The following NR4A2 variants were observed in gnomAD, a reference collection of about 807,000 sequenced individuals.
NR4A2 encodes the protein NGFI-B/nur77 beta-type transcription factor homolog.
A neutral mutation model predicts 50.5 loss-of-function variants in NR4A2; 1 was observed. That is an observed-to-expected ratio of 0.02 (90% CI 0.01 to 0.09). The LOEUF is 0.09. NR4A2 is among the 10% of genes least tolerant of loss of function. The pLI is 1.00. For missense variants in NR4A2, 613 were observed against 777.3 expected (o/e 0.79, Z 2.51); for synonymous variants, 328 against 309.4 (o/e 1.06, Z -0.63).
Position 156,326,588 on chromosome 2 carries a change from T to C in NR4A2, c.1361+130A>G, listed in dbSNP as rs1686653192. On this transcript the variant is annotated intron_variant, in intron 6 of 7. Transcript: ENST00000339562. This position sits in a 1 kb window ranked among gnomAD's most constrained non-coding sequence, Gnocchi z 4.2. Reference sequence around the variant, plus strand: ...TTTTTGTTTTCTTTCTTTTTCTTCCTTTCTCCGACTTCCATTTCCTATTCT... The same window carrying C: ...TTTTTGTTTTCTTTCTTTTTCTTCCCTTCTCCGACTTCCATTTCCTATTCT... 18 of 1,131,868 alleles carry C rather than the reference T, an allele frequency of 1.6e-5. No homozygotes were observed. The highest frequency in any genetic ancestry group is 2.3e-5 in the Non-Finnish European group (18 of 772,660). 70.1% of individuals were successfully genotyped at this position (1,131,868 alleles called of 1,614,324 possible). A position where few individuals can be genotyped will look rare whatever the true frequency, so the allele number is the denominator to read the frequency against.
chr2:156,329,810 G>A lies in NR4A2; in HGVS notation c.377C>T (p.Ser126Leu). ...HSGSVYYKPS[S>L]PPTPTTPGFQ... ...GCCCGGGGTGGTGGGCGTCGGGGGC[G>A]AGGAGGGCTTGTAGTAAACCGACCC... is the stretch of plus-strand genomic sequence containing the variant. Residue 126 changes from serine (S) to leucine (L), a missense_variant, in exon 3 of 8, where the codon TCG (serine) becomes TTG (leucine). This residue lies in a region of NR4A2 where 275 missense variants were observed against 248.9 expected (regional missense o/e 1.10). Coordinates refer to ENST00000339562, the MANE Select transcript of NR4A2 (RefSeq NM_006186.4). This position sits in a 1 kb window ranked among gnomAD's most constrained non-coding sequence, Gnocchi z 7.5. 1.2e-6 allele frequency: 2 copies of A among 1,613,800 alleles called. No individual in the cohort carries two copies. Among genetic ancestry groups the A allele is most frequent in the Non-Finnish European group, 1.7e-6 (2 of 1,179,704 alleles).
rs1004328494 is a variant in NR4A2 at position 156,330,001 on chromosome 2, G to A, written c.186C>T (p.Thr62=). The change falls in exon 3 of 8, where the codon ACC becomes ACT. Residue 62 remains threonine, a synonymous_variant. Coordinates refer to ENST00000339562, the MANE Select transcript of NR4A2 (RefSeq NM_006186.4). The part of the protein sequence containing the change: ...TATTSLPSFS[T]FMDNYSTGYD... Reference sequence around the variant, plus strand: ...AGCCTGTGCTGTAGTTGTCCATAAAGGTACTGAAGCTGGGGAGAGAAGTGG... The same window carrying A: ...AGCCTGTGCTGTAGTTGTCCATAAAAGTACTGAAGCTGGGGAGAGAAGTGG... The A allele has an allele frequency of 1.9e-6, 3 of 1,614,082 alleles. No homozygotes were observed. Among genetic ancestry groups the A allele is most frequent in the Non-Finnish European group, 8.5e-7 (1 of 1,180,052 alleles).
chr2:156,327,899 C>G lies in NR4A2; in HGVS notation c.1110G>C (p.Arg370Ser). 6.3e-7 allele frequency: 1 copy of G among 1,595,440 alleles called. No homozygotes were observed. Among genetic ancestry groups the G allele is most frequent in the Admixed American group, 1.7e-5 (1 of 57,422 alleles). The change falls in exon 5 of 8, where the codon AGG becomes AGC. Residue 370 changes from arginine (R) to serine (S), a missense_variant. This residue lies in a region of NR4A2 where 250 missense variants were observed against 311.3 expected (regional missense o/e 0.80). Transcript: ENST00000339562. Reference sequence around the variant, plus strand: ...TAGCCGGGTTGGAGTCGACATGGGCCCTGACGAGGGCACTGATCAGACTCA... The same window carrying G: ...TAGCCGGGTTGGAGTCGACATGGGCGCTGACGAGGGCACTGATCAGACTCA... ...PPVSLISALV[R>S]AHVDSNPAMT...
Position 156,329,858 on chromosome 2 carries a change from G to C in NR4A2, c.329C>G (p.Ser110Cys), listed in dbSNP as rs1267480941. ...YQQHSHLPPQSEEMMPHSGSV... is the reference protein window; with the variant it reads ...YQQHSHLPPQCEEMMPHSGSV... Reference sequence around the variant, plus strand: ...CCCGGAGTGCGGCATCATCTCCTCAGACTGGGGGGGCAGGTGGCTGTGTTG... The same window carrying C: ...CCCGGAGTGCGGCATCATCTCCTCACACTGGGGGGGCAGGTGGCTGTGTTG... The change falls in exon 3 of 8, where the codon TCT becomes TGT. Residue 110 changes from serine (S) to cysteine (C), a missense_variant. Physicochemically the swap from Ser to Cys is moderately radical, Grantham distance 112. Transcript: ENST00000339562. This position sits in a 1 kb window ranked among gnomAD's most constrained non-coding sequence, Gnocchi z 7.5. 6.2e-7 allele frequency: 1 copy of C among 1,614,212 alleles called. No individual in the cohort carries two copies. Among genetic ancestry groups the C allele is most frequent in the Admixed American group, 1.7e-5 (1 of 60,034 alleles).
In NR4A2 at chr2:156,329,518, G is replaced by C. The variant is rs1686814347; in HGVS notation, c.669C>G (p.Pro223=). The C allele has an allele frequency of 1.2e-6, 2 of 1,604,240 alleles. No individual in the cohort carries two copies. The highest frequency in any genetic ancestry group is 1.7e-6 in the Non-Finnish European group (2 of 1,175,176). ...AGCCCATGGACGCGGGCTTGCGAAT[G>C]GGGTTGGGCACAGCGAAGGTCTGCC... ...VDGQTFAVPN[P]IRKPASMGFP... The change falls in exon 3 of 8, where the codon CCC becomes CCG. Residue 223 remains proline, a synonymous_variant. Transcript: ENST00000339562. This position sits in a 1 kb window ranked among gnomAD's most constrained non-coding sequence, Gnocchi z 7.5.
intron 2 of NR4A2, among the ~76,000 whole-genome samples, chr2:156,330,449 C>G (rs934363187): frequency 3.3e-5 from 5 of 152,180 alleles, no homozygotes; most frequent in African/African-American, 1.2e-4. Context: ...TCATACCCCC[C>G]CACTCATCCC....
At position 156,329,554 on chromosome 2, in the gene NR4A2, G is replaced by A. The variant is rs375614094; in HGVS notation, c.633C>T (p.His211=). 43 of 1,603,372 alleles carry A rather than the reference G, an allele frequency of 2.7e-5. No individual in the cohort carries two copies. The highest frequency in any genetic ancestry group is 3.7e-5 in the Non-Finnish European group (43 of 1,173,882). ...PMNPEPAGSH[H]VVDGQTFAVP... ...CAGCGAAGGTCTGCCCGTCCACCAC[G>A]TGGTGGCTGCCGGCGGGCTCCGGGT... The change falls in exon 3 of 8, where the codon CAC becomes CAT. Residue 211 remains histidine, a synonymous_variant. Transcript: ENST00000339562. The surrounding 1 kb of genome is among the most constrained non-coding windows in gnomAD (Gnocchi z 7.5).
chr2:156,329,767 G>A lies in NR4A2; in HGVS notation c.420C>T (p.Ser140=), dbSNP rs1313468887. ...GAGATCCCGGGTCGTCCCACATGGG[G>A]CTGTGCTGCACCTGGAAGCCCGGGG... ...PTTPGFQVQH[S]PMWDDPGSLH... is the part of the protein sequence containing the mutation. Residue 140 remains serine, a synonymous_variant, in exon 3 of 8, where the codon AGC becomes AGT. Transcript: ENST00000339562. This position sits in a 1 kb window ranked among gnomAD's most constrained non-coding sequence, Gnocchi z 7.5. 6.2e-7 allele frequency: 1 copy of A among 1,613,664 alleles called. No individual in the cohort carries two copies. The highest frequency in any genetic ancestry group is 1.7e-5 in the Admixed American group (1 of 59,998).
At position 156,326,350 on chromosome 2, in the gene NR4A2, G is replaced by A; in HGVS notation, c.1362-22C>T. The A allele has an allele frequency of 6.2e-7, 1 of 1,605,420 alleles. No individual in the cohort carries two copies. The highest frequency in any genetic ancestry group is 1.1e-5 in the South Asian group (1 of 90,908). On this transcript the variant is annotated intron_variant, in intron 6 of 7. Coordinates refer to ENST00000339562, the MANE Select transcript of NR4A2 (RefSeq NM_006186.4). The surrounding 1 kb of genome is among the most constrained non-coding windows in gnomAD (Gnocchi z 4.2). ...GGACCTGCAATTAATACCAAAGAGA[G>A]AGAGGGGAGAAAAAGAGAGAGAGAA... is the stretch of plus-strand genomic sequence containing the variant.
chr2:156,327,054 A>G, intron 5 of NR4A2, 134 bp from the exon 6 acceptor site: 1 of 822,318 alleles, frequency 1.2e-6, no homozygotes, highest in African/African-American at 1.7e-5. Context: ...TAAGGAAATT[A>G]GATGTTCCGG....
rs1423537757 is a variant in NR4A2 at position 156,329,578 on chromosome 2, G to A, written c.609C>T (p.Asn203=). 1 of 1,604,808 alleles carries A rather than the reference G, an allele frequency of 6.2e-7. No individual in the cohort carries two copies. The highest frequency in any genetic ancestry group is 2.2e-5 in the East Asian group (1 of 44,710). The part of the protein sequence containing the change: ...RFDGPLHVPM[N]PEPAGSHHVV... Reference sequence around the variant, plus strand: ...CGTGGTGGCTGCCGGCGGGCTCCGGGTTCATGGGGACGTGCAGGGGCCCGT... The same window carrying A: ...CGTGGTGGCTGCCGGCGGGCTCCGGATTCATGGGGACGTGCAGGGGCCCGT... The change falls in exon 3 of 8, where the codon AAC becomes AAT. Residue 203 remains asparagine, a synonymous_variant. Transcript: ENST00000339562. The surrounding 1 kb of genome is among the most constrained non-coding windows in gnomAD (Gnocchi z 7.5).
At position 156,328,433 on chromosome 2, in the gene NR4A2, T is replaced by C; in HGVS notation, c.965A>G (p.Lys322Arg). Reference protein sequence around the residue: ...RNRCQYCRFQKCLAVGMVKEV... With the variant: ...RNRCQYCRFQRCLAVGMVKEV... ...TTTGACCATCCCAACAGCCAGGCAC[T>C]TCTGAAATCGGCAGTACTGACAGCG... The change falls in exon 4 of 8, where the codon AAG (lysine) becomes AGG (arginine). Residue 322 changes from lysine to arginine, a missense_variant. Around this residue, in one of 4 missense-constraint regions of NR4A2, gnomAD observed 27 missense variants for 120.7 expected, o/e 0.22. Coordinates refer to ENST00000339562, the MANE Select transcript of NR4A2 (RefSeq NM_006186.4). The surrounding 1 kb of genome is among the most constrained non-coding windows in gnomAD (Gnocchi z 4.9). The C allele has an allele frequency of 2.5e-6, 4 of 1,614,230 alleles. No individual in the cohort carries two copies. Among genetic ancestry groups the C allele is most frequent in the Non-Finnish European group, 3.4e-6 (4 of 1,180,036 alleles).
Position 156,328,133 on chromosome 2 carries a change from A to C in NR4A2, c.995-119T>G, listed in dbSNP as rs1031245505. The C allele has an allele frequency of 1.5e-5, 20 of 1,353,922 alleles. No individual in the cohort carries two copies. In the African/African-American group the frequency reaches 2.9e-4, roughly 20 times the overall value. 83.9% of individuals were successfully genotyped at this position (1,353,922 alleles called of 1,614,324 possible). On this transcript the variant is annotated intron_variant, in intron 4 of 7. Transcript: ENST00000339562. The surrounding 1 kb of genome is among the most constrained non-coding windows in gnomAD (Gnocchi z 4.9). ...ACCAGGCTGAGCGGCTGAGGGCCCC[A>C]GTGCTTGTAAAGCCTTCACTGACTA...
chr2:156,327,743 C>T (rs1486281586), intron 5 of NR4A2, 108 bp downstream of exon 5: 1 of 1,388,920 alleles, frequency 7.2e-7, no homozygotes, highest in Non-Finnish European at 1.0e-6. Context: ...TACAGCCTTG[C>T]TTGCCTTCTT....
At position 156,329,744 on chromosome 2, in the gene NR4A2, G is replaced by A. The variant is rs1686833819; in HGVS notation, c.443C>T (p.Ser148Phe). ...QHSPMWDDPG[S>F]LHNFHQNYVA... ...GTAGTTCTGGTGGAAGTTGTGGAGA[G>A]ATCCCGGGTCGTCCCACATGGGGCT... Residue 148 changes from serine (S) to phenylalanine (F), a missense_variant, in exon 3 of 8, where the codon TCT (serine) becomes TTT (phenylalanine). By Grantham distance (155) the Ser-to-Phe change is radical. Coordinates refer to ENST00000339562, the MANE Select transcript of NR4A2 (RefSeq NM_006186.4). The surrounding 1 kb of genome is among the most constrained non-coding windows in gnomAD (Gnocchi z 7.5). 1 of 1,613,844 alleles carries A rather than the reference G, an allele frequency of 6.2e-7. No homozygotes were observed. The highest frequency in any genetic ancestry group is 8.5e-7 in the Non-Finnish European group (1 of 1,179,754).
At chr2:156,330,427 C>T (rs930310342) in intron 2 of NR4A2, among the ~76,000 whole-genome samples, 1 of 151,806 alleles carries the variant, frequency 6.6e-6, no homozygotes, top group African/African-American at 2.4e-5. Context: ...TGGGTATTTC[C>T]AAACATCTCC....
rs772578858 is a variant in NR4A2 at position 156,326,847 on chromosome 2, G to A, written c.1232C>T (p.Thr411Ile). The A allele has an allele frequency of 6.2e-7, 1 of 1,614,258 alleles. No individual in the cohort carries two copies. The highest frequency in any genetic ancestry group is 1.7e-5 in the Admixed American group (1 of 60,028). Residue 411 changes from threonine (T) to isoleucine (I), a missense_variant, in exon 6 of 8, where the codon ACT becomes ATT. By Grantham distance (89) the Thr-to-Ile change is moderately conservative (BLOSUM62 -1). Coordinates refer to ENST00000339562, the MANE Select transcript of NR4A2 (RefSeq NM_006186.4). The surrounding 1 kb of genome is among the most constrained non-coding windows in gnomAD (Gnocchi z 4.2). ...GCCCCGGATGATCTCCATGGAGCCA[G>A]TCAGGAGATCATAGAATTGCTGGAT... ...QHIQQFYDLLTGSMEIIRGWA... is the reference protein window; with the variant it reads ...QHIQQFYDLLIGSMEIIRGWA...
In NR4A2 at chr2:156,329,628, C is replaced by A; in HGVS notation, c.559G>T (p.Val187Leu). 1 of 1,613,060 alleles carries A rather than the reference C, an allele frequency of 6.2e-7. No individual in the cohort carries two copies. The highest frequency in any genetic ancestry group is 8.5e-7 in the Non-Finnish European group (1 of 1,179,482). Reference sequence around the variant, plus strand: ...TCGAAGCGCATCTGGCAACTAGACACCGGGGTGCCAGGGGGCGATTGCTTA... The same window carrying A: ...TCGAAGCGCATCTGGCAACTAGACAACGGGGTGCCAGGGGGCGATTGCTTA... ...SFKQSPPGTP[V>L]SSCQMRFDGP... The change falls in exon 3 of 8, where the codon GTG becomes TTG. Residue 187 changes from valine (V) to leucine (L), a missense_variant. Transcript: ENST00000339562. The surrounding 1 kb of genome is among the most constrained non-coding windows in gnomAD (Gnocchi z 7.5).
chr2:156,331,222 G>A (rs1014518520), intron 1 of NR4A2, among the ~76,000 whole-genome samples: 4 of 152,018 alleles, frequency 2.6e-5, no homozygotes, highest in African/African-American at 9.7e-5. Context: ...TTTTCTTTTG[G>A]TAGAGGGGAA....
Sources: allele counts gnomAD v4.1 joint callset (sites outside exome capture counted in the v4.1 genomes callset), GRCh38; gene constraint gnomAD v4.1.1; regional missense constraint gnomAD v4.1.1; non-coding constraint Gnocchi (gnomAD v3.1); transcripts MANE v1.5; gene names NCBI Gene and HGNC (gene_info 2026-07-23, HGNC 2026-07-21).